The following COPS2 variants were observed in gnomAD, a reference collection of about 807,000 sequenced individuals.
COPS2 encodes COP9 signalosome complex subunit 2.
A neutral mutation model predicts 66.1 loss-of-function variants in COPS2; 10 were observed. That is an observed-to-expected ratio of 0.15 (90% CI 0.09 to 0.26). The LOEUF (loss-of-function observed/expected upper bound fraction) is 0.26. Among genes scored for constraint, COPS2 ranks in the 10% least tolerant of loss-of-function variants. COPS2 has a pLI of 1.00. For synonymous variants in COPS2, 179 were observed against 171.3 expected (o/e 1.04, Z -0.35); for missense variants, 215 against 513.3 (o/e 0.42, Z 5.62).
At chr15:49,139,870 T>C (rs1178897545) in intron 3 of COPS2, among the ~76,000 whole-genome samples, 2 of 152,228 alleles carry the variant, frequency 1.3e-5, no homozygotes, top group Non-Finnish European at 2.9e-5. Context: ...AAAGTTAGCT[T>C]ATGAAACAAG....
chr15:49,132,503 G>A (rs900062364), intron 9 of COPS2, among the ~76,000 whole-genome samples: 3 of 121,114 alleles, frequency 2.5e-5, no homozygotes, highest in South Asian at 2.8e-4. Context: ...GTCTAATAGT[G>A]TTTTCTGTTA....
At chr15:49,143,014 A>G (rs1253033720) in intron 3 of COPS2, among the ~76,000 whole-genome samples, 1 of 152,242 alleles carries the variant, frequency 6.6e-6, no homozygotes, top group Non-Finnish European at 1.5e-5. Context: ...TTAAGTGACG[A>G]TGGGAAGAAT....
intron 4 of COPS2, chr15:49,139,291 A>G (rs1329500895): frequency 5.4e-6 from 2 of 373,346 alleles, no homozygotes; most frequent in African/African-American, 2.1e-5. Flanking sequence ...AAAGTTGTTT[A>G]CAGATTTTAG....
intron 10 of COPS2, 85 bp from the exon 11 acceptor site, chr15:49,129,644 C>A: frequency 1.8e-6 from 1 of 569,674 alleles, no homozygotes; most frequent in South Asian, 3.8e-5. Context: ...TAATTATCTT[C>A]TCAAAATACA....
chr15:49,141,018 A>ATATATATACATATATACAT (rs2084286570), intron 3 of COPS2, among the ~76,000 whole-genome samples: 1 of 152,164 alleles, frequency 6.6e-6, no homozygotes, highest in Non-Finnish European at 1.5e-5. Flanking sequence ...GAACTATGGA[A>ATATATATACATATATACAT]ATATATACAT....
chr15:49,154,884 C>A (rs983221819), intron 1 of COPS2, among the ~76,000 whole-genome samples: 5 of 152,196 alleles, frequency 3.3e-5, no homozygotes, highest in Non-Finnish European at 2.9e-5. Context: ...ACAAGCAAAA[C>A]CTCCTCCCCA....
chr15:49,134,004 T>C lies in COPS2; in HGVS notation c.820A>G (p.Thr274Ala). 6.2e-7 allele frequency: 1 copy of C among 1,614,010 alleles called. No individual in the cohort carries two copies. Reference sequence around the variant, plus strand: ...AAGACCAAATATTTTAAGCAAGTGGTTCGTCTTGGACTTCCAGATTCATCA... The same window carrying C: ...AAGACCAAATATTTTAAGCAAGTGGCTCGTCTTGGACTTCCAGATTCATCA... ...NYDESGSPRR[T>A]TCLKYLVLAN... The change falls in exon 8 of 13, where the codon ACC (threonine) becomes GCC (alanine). Residue 274 changes from threonine (T) to alanine (A), a missense_variant. Physicochemically the swap from Thr to Ala is moderately conservative, Grantham distance 58 (BLOSUM62 0). Transcript: ENST00000388901.
At chr15:49,142,593 G>A (rs1022063062) in intron 3 of COPS2, among the ~76,000 whole-genome samples, 6 of 152,260 alleles carry the variant, frequency 3.9e-5, no homozygotes, top group African/African-American at 1.4e-4. Context: ...CCTTCCAACT[G>A]CTTCACTCCC....
intron 9 of COPS2, among the ~76,000 whole-genome samples, chr15:49,132,342 TA>T (rs370409140): frequency 0.018 from 2,570 of 145,680 alleles, 93 homozygotes; most frequent in African/African-American, 0.062. Context: ...TTAGTCCCCC[TA>T]AAAAAAAACG....
Position 49,130,834 on chromosome 15 carries a change from T to C in COPS2, c.948-18A>G, listed in dbSNP as rs1595819518. The C allele has an allele frequency of 7.6e-7, 1 of 1,320,336 alleles. No individual in the cohort carries two copies. Among genetic ancestry groups the C allele is most frequent in the African/African-American group, 1.4e-5 (1 of 69,136 alleles). The allele number at this position is 1,320,336 out of a possible 1,614,324, so 81.8% of individuals were successfully genotyped here. A position where few individuals can be genotyped will look rare whatever the true frequency, so the allele number is the denominator to read the frequency against. On this transcript the variant is annotated intron_variant, in intron 9 of 12. Coordinates refer to ENST00000388901, the MANE Select transcript of COPS2 (RefSeq NM_004236.4). ...GATAGGCACTAATAGAAAAACAAAGTGTAAATTATGTCAAACATGAAGAAG... is the reference window on the plus strand; with the variant it reads ...GATAGGCACTAATAGAAAAACAAAGCGTAAATTATGTCAAACATGAAGAAG...
At chr15:49,143,557 T>C (rs1175026406) in intron 3 of COPS2, among the ~76,000 whole-genome samples, 3 of 152,152 alleles carry the variant, frequency 2.0e-5, no homozygotes, top group Admixed American at 6.5e-5. Context: ...TGTGGGGTAA[T>C]AGACAATGAG....
intron 1 of COPS2, among the ~76,000 whole-genome samples, chr15:49,147,878 A>G (rs1285702173): frequency 6.6e-6 from 1 of 152,188 alleles, no homozygotes. Context: ...TCAACTCTTA[A>G]ACAAATGTTA....
chr15:49,150,247 CA>C (rs11347765), intron 1 of COPS2, among the ~76,000 whole-genome samples: 54,728 of 126,438 alleles, frequency 0.43, 10,467 homozygotes, highest in African/African-American at 0.46. Flanking sequence ...GACTCTATCT[CA>C]AAAAAAAAAA....
chr15:49,154,095 G>A (rs1047250284), intron 1 of COPS2, among the ~76,000 whole-genome samples: 7 of 151,928 alleles, frequency 4.6e-5, no homozygotes, highest in African/African-American at 1.7e-4. Context: ...CCTAAATACC[G>A]ACTTGATCAC....
Position 49,125,774 on chromosome 15 carries a change from A to AATT in COPS2, c.*2173_*2175dup, listed in dbSNP as rs2084161212. 1 of 152,122 alleles carries AATT rather than the reference A, an allele frequency of 6.6e-6. No individual in the cohort carries two copies. The highest frequency in any genetic ancestry group is 2.4e-5 in the African/African-American group (1 of 41,460). 9.4% of individuals were successfully genotyped at this position (152,122 alleles called of 1,614,324 possible). A position where few individuals can be genotyped will look rare whatever the true frequency, so the allele number is the denominator to read the frequency against. On this transcript the variant is annotated 3_prime_UTR_variant, in exon 13 of 13. Transcript: ENST00000388901. ...AGCTATGTAATACACAATTACAATA[A>AATT]ATTATTATGGTATAACTTTGGATAC...
At chr15:49,154,193 A>T (rs2084388095) in intron 1 of COPS2, among the ~76,000 whole-genome samples, 1 of 152,184 alleles carries the variant, frequency 6.6e-6, no homozygotes, top group Admixed American at 6.5e-5. Context: ...CATATAAAAG[A>T]AACATTTTGA....
intron 1 of COPS2, among the ~76,000 whole-genome samples, chr15:49,145,426 T>C (rs572657153): frequency 6.6e-6 from 1 of 152,318 alleles, no homozygotes; most frequent in East Asian, 1.9e-4. Flanking sequence ...TCATGAAATC[T>C]GAGGGAAACC....
chr15:49,149,398 A>C (rs2084343180), intron 1 of COPS2, among the ~76,000 whole-genome samples: 1 of 152,224 alleles, frequency 6.6e-6, no homozygotes, highest in African/African-American at 2.4e-5. Context: ...TCATCTTAGC[A>C]TCACTCTTCT....
At chr15:49,153,079 G>A (rs1326682178) in intron 1 of COPS2, among the ~76,000 whole-genome samples, 1 of 152,164 alleles carries the variant, frequency 6.6e-6, no homozygotes, top group East Asian at 1.9e-4. Context: ...TAGGAAAGAG[G>A]TAAGCAGAAA....
Sources: gnomAD v4.1 joint callset for allele counts (sites outside exome capture counted in the v4.1 genomes callset) on GRCh38, gnomAD v4.1.1 for gene constraint, MANE v1.5 for transcripts, NCBI Gene and HGNC (gene_info 2026-07-23, HGNC 2026-07-21) for gene names.